The following TTC28 variants were observed in gnomAD, a reference collection of about 807,000 sequenced individuals.
TTC28 encodes tetratricopeptide repeat domain 28.
Under a neutral mutation model 198.0 loss-of-function variants are expected in TTC28, and 61 were observed. That is an observed-to-expected ratio of 0.31 (90% CI 0.25 to 0.38). The LOEUF (loss-of-function observed/expected upper bound fraction) is 0.38. TTC28 is among the 10% of genes least tolerant of loss of function. TTC28 has a pLI of 1.00. For synonymous variants in TTC28, 1,171 were observed against 1,297.8 expected, an observed-to-expected ratio of 0.90 and a Z score of 2.10; for missense variants, 2,678 against 3,164.0, an observed-to-expected ratio of 0.85 and a Z score of 3.69.
intron 5 of TTC28, among the ~76,000 whole-genome samples, chr22:28,165,074 A>G (rs1921758076): frequency 6.6e-6 from 1 of 152,238 alleles, no homozygotes; most frequent in Admixed American, 6.5e-5. Flanking sequence ...AAGAAAGGGT[A>G]TCAGTGATGG....
chr22:28,512,373 C>T (rs1444094894), intron 2 of TTC28, among the ~76,000 whole-genome samples: 1 of 152,132 alleles, frequency 6.6e-6, no homozygotes, highest in African/African-American at 2.4e-5. Context: ...GTGGCAATTC[C>T]TCAAAGACCT....
intron 6 of TTC28, among the ~76,000 whole-genome samples, chr22:28,157,994 CATG>C (rs1943787870): frequency 6.6e-6 from 1 of 151,718 alleles, no homozygotes; most frequent in African/African-American, 2.4e-5. Context: ...TTGCAGATGA[CATG>C]ATATTATACT....
At chr22:28,033,674 TACTG>T (rs1462813628) in intron 12 of TTC28, among the ~76,000 whole-genome samples, 1 of 152,254 alleles carries the variant, frequency 6.6e-6, no homozygotes, top group Non-Finnish European at 1.5e-5. Flanking sequence ...CTTGTTTTGA[TACTG>T]ACTGATACAT....
chr22:28,471,834 GA>G (rs2048100061), intron 2 of TTC28, among the ~76,000 whole-genome samples: 1 of 152,096 alleles, frequency 6.6e-6, no homozygotes, highest in African/African-American at 2.4e-5. Context: ...GCCAGTATCA[GA>G]TACAGCTCTT....
In TTC28 at chr22:28,159,787, C is replaced by T. The variant is rs779820672; in HGVS notation, c.1441+3305G>A. 2.6e-5 allele frequency among the ~76,000 whole-genome samples: 4 copies of T among 151,984 alleles called. No homozygotes were observed. The South Asian group carries it at 8.3e-4, about 32-fold the overall frequency. Reference sequence around the variant, plus strand: ...CTTCTATTTTTTGCAGCATTGTTCACAATAGCTAAGCTTTGGAAGCAATGT... The same window carrying T: ...CTTCTATTTTTTGCAGCATTGTTCATAATAGCTAAGCTTTGGAAGCAATGT... On this transcript the variant is annotated intron_variant, in intron 6 of 22. Transcript: ENST00000397906.
chr22:28,395,635 CAAAAA>C (rs66868492), intron 2 of TTC28, among the ~76,000 whole-genome samples: 1 of 100,092 alleles, frequency 1.0e-5, no homozygotes, highest in Non-Finnish European at 1.9e-5. Flanking sequence ...ACCAAACAAA[CAAAAA>C]AAAAAAAACC....
chr22:28,109,526 A>G (rs556305127), intron 6 of TTC28, among the ~76,000 whole-genome samples: 5 of 152,396 alleles, frequency 3.3e-5, no homozygotes, highest in Admixed American at 2.0e-4. Flanking sequence ...ACAATCAACA[A>G]TAACAGTGCT....
intron 2 of TTC28, among the ~76,000 whole-genome samples, chr22:28,323,558 T>TTG (rs1223656123): frequency 6.6e-6 from 1 of 152,118 alleles, no homozygotes; most frequent in Non-Finnish European, 1.5e-5. Context: ...GACAGGCTGT[T>TTG]AGAACATAGA....
intron 2 of TTC28, among the ~76,000 whole-genome samples, chr22:28,599,666 G>C (rs181347694): frequency 8.8e-4 from 134 of 152,166 alleles, no homozygotes; most frequent in Non-Finnish European, 1.0e-3. Context: ...TAGTCCATGA[G>C]GGGTCCAAAT....
Position 28,001,799 on chromosome 22 carries a change from G to A in TTC28, c.4219-246C>T, listed in dbSNP as rs1385290692. ...CCATCTGCCTCACAGTCCTGAGAAG[G>A]TTAGAGGACAGTTTCTTGAAGTTCA... is the stretch of plus-strand genomic sequence containing the variant. On this transcript the variant is annotated intron_variant, in intron 14 of 22. Transcript: ENST00000397906. 5.7e-6 allele frequency: 3 copies of A among 528,156 alleles called. No homozygotes were observed. In the Admixed American group the frequency reaches 9.2e-5, roughly 16 times the overall value. 32.7% of individuals were successfully genotyped at this position (528,156 alleles called of 1,614,324 possible). A position where few individuals can be genotyped will look rare whatever the true frequency, so the allele number is the denominator to read the frequency against.
At chr22:28,324,731 A>G (rs1339973091) in intron 2 of TTC28, among the ~76,000 whole-genome samples, 4 of 152,178 alleles carry the variant, frequency 2.6e-5, no homozygotes, top group Non-Finnish European at 5.9e-5. Flanking sequence ...GTACTGATGG[A>G]ACGTATCTAA....
chr22:28,323,390 T>C (rs1311236014), intron 2 of TTC28, among the ~76,000 whole-genome samples: 2 of 152,158 alleles, frequency 1.3e-5, no homozygotes, highest in Admixed American at 1.3e-4. Flanking sequence ...CAAAAAACTA[T>C]TCAGAATCCT....
At chr22:28,396,942 C>T (rs754611448) in intron 2 of TTC28, among the ~76,000 whole-genome samples, 1 of 152,192 alleles carries the variant, frequency 6.6e-6, no homozygotes. Flanking sequence ...GGCACCAATA[C>T]TCACCTTATT....
At chr22:28,208,642 C>T (rs568662003) in intron 5 of TTC28, among the ~76,000 whole-genome samples, 1 of 152,296 alleles carries the variant, frequency 6.6e-6, no homozygotes, top group East Asian at 1.9e-4. Flanking sequence ...TTGCCTTTTG[C>T]TCTATATAAA....
intron 2 of TTC28, among the ~76,000 whole-genome samples, chr22:28,428,217 C>G (rs1281305823): frequency 6.6e-6 from 1 of 151,452 alleles, no homozygotes; most frequent in Non-Finnish European, 1.5e-5. Context: ...GCCCATCTAC[C>G]TTGCAGAAGT....
chr22:28,180,500 G>A (rs572001008), intron 5 of TTC28, among the ~76,000 whole-genome samples: 178 of 151,922 alleles, frequency 1.2e-3, no homozygotes, highest in African/African-American at 3.8e-3. Flanking sequence ...CTTCTTTGTC[G>A]GGGCCACCAG....
chr22:28,594,257 ATATT>A (rs993351398), intron 2 of TTC28, among the ~76,000 whole-genome samples: 7 of 148,902 alleles, frequency 4.7e-5, no homozygotes, highest in Non-Finnish European at 8.9e-5. Flanking sequence ...TAATATAATT[ATATT>A]TATTAATATA....
chr22:27,990,689 A>C, intron 20 of TTC28, 100 bp downstream of exon 20: 15 of 1,131,162 alleles, frequency 1.3e-5, no homozygotes, highest in Non-Finnish European at 1.9e-5. Context: ...TCCGTTTGAC[A>C]GCACGTGCAC....
At chr22:28,630,882 TA>T (rs1170320993) in intron 1 of TTC28, among the ~76,000 whole-genome samples, 18 of 152,364 alleles carry the variant, frequency 1.2e-4, no homozygotes, top group African/African-American at 3.8e-4. Context: ...AATTTAAAGT[TA>T]TATACTATGG....
Sources: allele counts gnomAD v4.1 joint callset (sites outside exome capture counted in the v4.1 genomes callset), GRCh38; gene constraint gnomAD v4.1.1; transcripts MANE v1.5; gene names NCBI Gene and HGNC (gene_info 2026-07-23, HGNC 2026-07-21).